The following STXBP5L variants were observed in gnomAD, a reference collection of about 807,000 sequenced individuals.
STXBP5L encodes the protein syntaxin binding protein 5L.
Under a neutral mutation model 144.5 loss-of-function variants are expected in STXBP5L, and 65 were observed. The observed-to-expected ratio is 0.45, with a 90% CI of 0.37 to 0.55. The LOEUF (loss-of-function observed/expected upper bound fraction) is 0.55. Among genes scored for constraint, STXBP5L ranks in the 20% least tolerant of loss-of-function variants. STXBP5L has a pLI of 0.00. For synonymous variants in STXBP5L, 505 were observed against 469.6 expected (o/e 1.08, Z -0.97); for missense variants, 1,298 against 1,405.5 (o/e 0.92, Z 1.22).
chr3:121,058,055 C>T (rs973066489), intron 5 of STXBP5L, among the ~76,000 whole-genome samples: 35 of 152,176 alleles, frequency 2.3e-4, no homozygotes, highest in African/African-American at 7.9e-4. Flanking sequence ...TATACAAGTG[C>T]CATGGTGGTT....
intron 20 of STXBP5L, among the ~76,000 whole-genome samples, chr3:121,377,511 A>G (rs2046217808): frequency 6.6e-6 from 1 of 152,230 alleles, no homozygotes; most frequent in Non-Finnish European, 1.5e-5. Flanking sequence ...CCCCATCAAA[A>G]AGTGGGCAAA....
chr3:121,054,906 A>C (rs2107607874), intron 5 of STXBP5L, among the ~76,000 whole-genome samples: 1 of 152,158 alleles, frequency 6.6e-6, no homozygotes, highest in South Asian at 2.1e-4. Context: ...GGATGGACAG[A>C]GTGTTTTTAT....
intron 7 of STXBP5L, among the ~76,000 whole-genome samples, chr3:121,127,981 C>G (rs370117848): frequency 5.3e-5 from 8 of 152,126 alleles, no homozygotes; most frequent in East Asian, 3.9e-4. Flanking sequence ...GGCAAAGAAC[C>G]AGAATCAGAT....
intron 14 of STXBP5L, among the ~76,000 whole-genome samples, chr3:121,246,590 A>C (rs1307297940): frequency 1.3e-5 from 2 of 152,214 alleles, no homozygotes; most frequent in Non-Finnish European, 2.9e-5. Context: ...TTCAGCAATA[A>C]AATTTAAAAA....
At chr3:121,006,169 A>G (rs1177508447) in intron 3 of STXBP5L, among the ~76,000 whole-genome samples, 2 of 151,952 alleles carry the variant, frequency 1.3e-5, no homozygotes, top group African/African-American at 4.8e-5. Flanking sequence ...GTCTCCCATT[A>G]TTTTTGTGTG....
intron 3 of STXBP5L, among the ~76,000 whole-genome samples, chr3:120,998,268 A>G (rs552588971): frequency 2.2e-3 from 329 of 152,292 alleles, no homozygotes; most frequent in Non-Finnish European, 3.7e-3. Flanking sequence ...AAGTCCTCCA[A>G]ATAGGAAGAG....
At chr3:121,249,748 AT>A (rs1185588346) in intron 14 of STXBP5L, among the ~76,000 whole-genome samples, 2 of 152,046 alleles carry the variant, frequency 1.3e-5, no homozygotes, top group South Asian at 2.1e-4. Flanking sequence ...GAGAGTGAAC[AT>A]TTTTTTGGCT....
At chr3:121,301,927 G>A (rs1577400410) in intron 19 of STXBP5L, among the ~76,000 whole-genome samples, 1 of 152,152 alleles carries the variant, frequency 6.6e-6, no homozygotes, top group African/African-American at 2.4e-5. Context: ...GCGTTTTGAT[G>A]TACTGCTGGA....
intron 9 of STXBP5L, chr3:121,158,335 T>C (rs2046194100): frequency 6.6e-6 from 1 of 152,174 alleles, no homozygotes; most frequent in Admixed American, 6.5e-5. Flanking sequence ...TGTCAGAAAC[T>C]AACAGTTGAT....
At chr3:121,377,166 A>T (rs1329896642) in intron 20 of STXBP5L, among the ~76,000 whole-genome samples, 2 of 152,194 alleles carry the variant, frequency 1.3e-5, no homozygotes, top group Non-Finnish European at 2.9e-5. Flanking sequence ...CAATCATGTC[A>T]TCTGCAAGCA....
At chr3:121,111,946 A>C (rs2044006364) in intron 5 of STXBP5L, among the ~76,000 whole-genome samples, 1 of 152,110 alleles carries the variant, frequency 6.6e-6, no homozygotes, top group Admixed American at 6.5e-5. Flanking sequence ...ATTCCTGCAG[A>C]GAGGCCCCCA....
chr3:121,355,131 A>T (rs1296413369), intron 20 of STXBP5L, among the ~76,000 whole-genome samples: 1 of 151,952 alleles, frequency 6.6e-6, no homozygotes, highest in African/African-American at 2.4e-5. Flanking sequence ...TTTTTCCTTC[A>T]TTTCAACTTT....
intron 3 of STXBP5L, among the ~76,000 whole-genome samples, chr3:121,003,393 T>C (rs1373348240): frequency 6.6e-6 from 1 of 152,230 alleles, no homozygotes; most frequent in Non-Finnish European, 1.5e-5. Context: ...GCTCACTTTT[T>C]AATGGGGTTG....
At chr3:121,088,135 AC>A (rs2042590338) in intron 5 of STXBP5L, among the ~76,000 whole-genome samples, 1 of 151,164 alleles carries the variant, frequency 6.6e-6, no homozygotes, top group African/African-American at 2.4e-5. Context: ...AAAAGAAACT[AC>A]CATCAGAGTG....
intron 5 of STXBP5L, among the ~76,000 whole-genome samples, chr3:121,113,051 C>G (rs777761949): frequency 6.6e-6 from 1 of 151,894 alleles, no homozygotes. Flanking sequence ...TAAGGTGAAA[C>G]CTGTCTGATA....
chr3:121,144,669 TA>T (rs1399305757), intron 7 of STXBP5L, among the ~76,000 whole-genome samples: 3 of 151,960 alleles, frequency 2.0e-5, no homozygotes, highest in African/African-American at 7.2e-5. Context: ...TAAATCATAA[TA>T]TTTTTGGCAA....
At chr3:121,279,474 C>T (rs937598445) in intron 18 of STXBP5L, among the ~76,000 whole-genome samples, 1 of 151,820 alleles carries the variant, frequency 6.6e-6, no homozygotes, top group African/African-American at 2.4e-5. Context: ...ACCTATCTCC[C>T]CCTTGCATAG....
At chr3:121,358,904 AGGTT>A in intron 20 of STXBP5L, among the ~76,000 whole-genome samples, 1 of 152,170 alleles carries the variant, frequency 6.6e-6, no homozygotes, top group Non-Finnish European at 1.5e-5. Flanking sequence ...ATGGATGCTT[AGGTT>A]TTTTCCAAAT....
chr3:121,360,233 G>C (rs1280271110), intron 20 of STXBP5L, among the ~76,000 whole-genome samples: 1 of 149,358 alleles, frequency 6.7e-6, no homozygotes, highest in African/African-American at 2.5e-5. Context: ...TCCTTTTTTT[G>C]GTTTCAATTG....
Sources: allele counts gnomAD v4.1 joint callset (sites outside exome capture counted in the v4.1 genomes callset), GRCh38; gene constraint gnomAD v4.1.1; transcripts MANE v1.5; gene names NCBI Gene and HGNC (gene_info 2026-07-23, HGNC 2026-07-21).